Variants in SLIT3 observed in about 807,000 individuals in gnomAD.
SLIT3 encodes the protein slit homolog 3 protein.
A neutral mutation model predicts 184.0 loss-of-function variants in SLIT3; 68 were observed. That is an observed-to-expected ratio of 0.37 (90% CI 0.30 to 0.45). SLIT3 has a LOEUF of 0.45. Ranked by LOEUF, SLIT3 falls within the 20% of genes least tolerant of loss-of-function variation. SLIT3 has a pLI of 1.00. For synonymous variants in SLIT3, 831 were observed against 828.6 expected (o/e 1.00, Z -0.05); for missense variants, 1,707 against 2,026.0 (o/e 0.84, Z 3.02).
At chr5:168,902,322 T>A (rs1353017607) in intron 4 of SLIT3, among the ~76,000 whole-genome samples, 1 of 152,262 alleles carries the variant, frequency 6.6e-6, no homozygotes, top group East Asian at 1.9e-4. Flanking sequence ...GATCTTTGTT[T>A]ATAAAGCTTA....
chr5:168,685,833 C>A lies in SLIT3; in HGVS notation c.3409G>T (p.Val1137Leu), dbSNP rs749700737. The A allele has an allele frequency of 1.2e-6, 2 of 1,613,896 alleles. No individual in the cohort carries two copies. The highest frequency in any genetic ancestry group is 1.7e-5 in the Admixed American group (1 of 60,016). ...CAGCGGCAGGTGGGCTCCTGCTGCA[C>A]CACGATGCACTGGGCCCCGTTCTGG... The part of the protein sequence containing the change: ...ECQNGAQCIV[V>L]QQEPTCRCPP... Residue 1137 changes from valine (V) to leucine (L), a missense_variant, in exon 31 of 36, where the codon GTG becomes TTG. This residue lies in a region of SLIT3 where 1,307 missense variants were observed against 1,511.6 expected (regional missense o/e 0.86). Coordinates refer to ENST00000519560, the MANE Select transcript of SLIT3 (RefSeq NM_003062.4).
chr5:168,884,719 G>T (rs1031246124), intron 4 of SLIT3, among the ~76,000 whole-genome samples: 4 of 151,476 alleles, frequency 2.6e-5, no homozygotes, highest in Admixed American at 6.6e-5. Context: ...TCGTCCAATT[G>T]TATGAGTGGC....
intron 8 of SLIT3, among the ~76,000 whole-genome samples, chr5:168,811,149 G>A (rs1581106432): frequency 1.3e-5 from 2 of 152,246 alleles, no homozygotes; most frequent in Non-Finnish European, 1.5e-5. Flanking sequence ...AGATGGCAAG[G>A]AAAGAGAAGC....
intron 4 of SLIT3, chr5:169,036,331 G>C (rs149190317): frequency 6.6e-6 from 1 of 152,144 alleles, no homozygotes; most frequent in African/African-American, 2.4e-5. Flanking sequence ...AATCTGTGAG[G>C]CCAGCCTCAG....
At chr5:169,262,126 A>G (rs905690014) in intron 1 of SLIT3, among the ~76,000 whole-genome samples, 4 of 152,162 alleles carry the variant, frequency 2.6e-5, no homozygotes, top group African/African-American at 9.7e-5. Context: ...GAAACCCTGA[A>G]GCAGAGGGCC....
intron 16 of SLIT3, among the ~76,000 whole-genome samples, chr5:168,754,638 A>G (rs1236303369): frequency 6.6e-6 from 1 of 152,228 alleles, no homozygotes; most frequent in Non-Finnish European, 1.5e-5. Context: ...AAATACCTCC[A>G]ACACAAAGAA....
At chr5:168,794,196 G>T (rs564644399) in intron 10 of SLIT3, among the ~76,000 whole-genome samples, 2 of 152,168 alleles carry the variant, frequency 1.3e-5, no homozygotes, top group Non-Finnish European at 2.9e-5. Context: ...AAGCAGGACC[G>T]AGTCCATGCA....
chr5:168,737,773 C>G (rs1416941810), intron 20 of SLIT3, among the ~76,000 whole-genome samples: 1 of 152,160 alleles, frequency 6.6e-6, no homozygotes, highest in African/African-American at 2.4e-5. Flanking sequence ...GAGTTTGTTT[C>G]CAGAACCAGG....
intron 4 of SLIT3, among the ~76,000 whole-genome samples, chr5:169,167,274 T>A (rs988182742): frequency 2.3e-5 from 3 of 132,746 alleles, no homozygotes; most frequent in African/African-American, 8.4e-5. Context: ...AGCACTTTTT[T>A]TTTTTTTTTT....
intron 4 of SLIT3, among the ~76,000 whole-genome samples, chr5:168,933,690 C>T (rs1373452722): frequency 6.6e-6 from 1 of 152,174 alleles, no homozygotes; most frequent in Non-Finnish European, 1.5e-5. Context: ...TCTAGGGTCT[C>T]TAGCTCCGAA....
At chr5:169,207,762 T>C (rs12514330) in intron 3 of SLIT3, among the ~76,000 whole-genome samples, 27,487 of 152,046 alleles carry the variant, frequency 0.18, 2,769 homozygotes, top group East Asian at 0.44. Context: ...ACTGAGATGA[T>C]GGCATTTGGA....
intron 4 of SLIT3, among the ~76,000 whole-genome samples, chr5:168,883,876 G>T (rs1474854405): frequency 6.6e-6 from 1 of 152,026 alleles, no homozygotes; most frequent in South Asian, 2.1e-4. Flanking sequence ...AGATTCCTGG[G>T]GGCCCCTAGA....
chr5:169,073,144 C>T (rs1195526790), intron 4 of SLIT3, among the ~76,000 whole-genome samples: 1 of 152,224 alleles, frequency 6.6e-6, no homozygotes, highest in East Asian at 1.9e-4. Context: ...TACACCGCCA[C>T]CTCTCTTTTC....
rs1186861362 is a variant in SLIT3 at position 169,235,514 on chromosome 5, A to C, written c.341+9191T>G. ...CATCTTATATAATACAGTTGTCATA[A>C]TTAATGAAGCAATCCTGTTGCATTT... is the stretch of plus-strand genomic sequence containing the variant. On this transcript the variant is annotated intron_variant, in intron 3 of 35. Transcript: ENST00000519560. Among the ~76,000 whole-genome samples, 4 of 152,234 alleles carry C rather than the reference A, an allele frequency of 2.6e-5. No homozygotes were observed. The East Asian group carries it at 7.7e-4, about 29-fold the overall frequency.
chr5:169,130,362 C>T (rs1444124334), intron 4 of SLIT3, among the ~76,000 whole-genome samples: 3 of 152,230 alleles, frequency 2.0e-5, no homozygotes, highest in South Asian at 2.1e-4. Context: ...GCTCAGCAGA[C>T]ATCCTGGTGG....
At chr5:168,779,595 G>C (rs1012323185) in intron 12 of SLIT3, among the ~76,000 whole-genome samples, 2 of 152,210 alleles carry the variant, frequency 1.3e-5, no homozygotes, top group Admixed American at 6.5e-5. Flanking sequence ...GCATAGCTGT[G>C]CTGCTGAGAG....
intron 5 of SLIT3, among the ~76,000 whole-genome samples, chr5:168,875,806 G>A (rs1440208963): frequency 6.6e-6 from 1 of 151,904 alleles, no homozygotes; most frequent in Admixed American, 6.6e-5. Flanking sequence ...AAAGAGAAGG[G>A]TGGAGGGAGG....
intron 3 of SLIT3, among the ~76,000 whole-genome samples, chr5:169,241,378 T>C (rs186325622): frequency 1.8e-4 from 28 of 152,316 alleles, no homozygotes; most frequent in Non-Finnish European, 3.5e-4. Flanking sequence ...ATCTGACATA[T>C]GATAAAGAGC....
chr5:168,799,804 GA>G (rs1561939553), intron 9 of SLIT3, among the ~76,000 whole-genome samples: 1 of 152,180 alleles, frequency 6.6e-6, no homozygotes, highest in Non-Finnish European at 1.5e-5. Flanking sequence ...ACAGTACTAT[GA>G]ACCAAGTAGT....
Sources: allele counts gnomAD v4.1 joint callset (sites outside exome capture counted in the v4.1 genomes callset), GRCh38; gene constraint gnomAD v4.1.1; regional missense constraint gnomAD v4.1.1; transcripts MANE v1.5; gene names NCBI Gene and HGNC (gene_info 2026-07-23, HGNC 2026-07-21).